The following GATAD2B variants were observed in gnomAD, a reference collection of about 807,000 sequenced individuals.
GATAD2B encodes the protein transcriptional repressor p66-beta.
In GATAD2B, 8 loss-of-function variants were observed where a neutral mutation model predicts 64.3. The observed-to-expected ratio is 0.12, with a 90% CI of 0.07 to 0.22. The LOEUF (loss-of-function observed/expected upper bound fraction) is 0.22, where lower values mean the gene tolerates loss of function less well. Among genes scored for constraint, GATAD2B ranks in the 10% least tolerant of loss-of-function variants. The pLI is 1.00. For missense variants in GATAD2B, 453 were observed against 752.0 expected, an observed-to-expected ratio of 0.60 and a Z score of 4.65; for synonymous variants, 281 against 271.3, an observed-to-expected ratio of 1.04 and a Z score of -0.35.
At chr1:153,887,443 A>C (rs1441045872) in intron 1 of GATAD2B, among the ~76,000 whole-genome samples, 2 of 152,226 alleles carry the variant, frequency 1.3e-5, no homozygotes, top group Non-Finnish European at 2.9e-5. Context: ...CTATTTGGGA[A>C]GATGTATTTA....
intron 1 of GATAD2B, among the ~76,000 whole-genome samples, chr1:153,873,102 G>T (rs938507138): frequency 1.3e-5 from 2 of 152,018 alleles, no homozygotes; most frequent in African/African-American, 4.8e-5. Context: ...CACTGCAAAT[G>T]TTAACACAGG....
At chr1:153,830,568 C>T (rs1306552272) in intron 1 of GATAD2B, among the ~76,000 whole-genome samples, 1 of 146,342 alleles carries the variant, frequency 6.8e-6, no homozygotes, top group South Asian at 2.2e-4. Context: ...CTCCGCCTCC[C>T]GGGTTCACGC....
chr1:153,917,641 C>A (rs530539324), intron 1 of GATAD2B, among the ~76,000 whole-genome samples: 1 of 151,852 alleles, frequency 6.6e-6, no homozygotes, highest in East Asian at 1.9e-4. Context: ...GTGATCCGCC[C>A]GCCTCAGCCT....
At chr1:153,906,636 G>GA (rs374312377) in intron 1 of GATAD2B, among the ~76,000 whole-genome samples, 35 of 149,100 alleles carry the variant, frequency 2.3e-4, no homozygotes, top group East Asian at 3.9e-4. Flanking sequence ...GGCAAAAAAG[G>GA]AAAAAAAAAC....
chr1:153,829,208 AAAC>A (rs1448009277), intron 1 of GATAD2B, among the ~76,000 whole-genome samples: 9 of 152,154 alleles, frequency 5.9e-5, no homozygotes, highest in Middle Eastern at 3.2e-3. Context: ...TCTCTCCAGG[AAAC>A]AACAAAAAAA....
intron 8 of GATAD2B, 90 bp from the exon 9 acceptor site, chr1:153,812,222 A>C: frequency 2.8e-6 from 2 of 711,970 alleles, no homozygotes; most frequent in Non-Finnish European, 4.8e-6. Flanking sequence ...CAGAGACACA[A>C]TCTGACTTTG....
intron 1 of GATAD2B, chr1:153,852,891 A>G (rs1570960362): frequency 1.3e-6 from 1 of 776,272 alleles, no homozygotes; most frequent in Non-Finnish European, 2.3e-6. Flanking sequence ...TGGTGAGCGC[A>G]TGTTCCAAGC....
At chr1:153,863,983 T>A (rs1676395254) in intron 1 of GATAD2B, among the ~76,000 whole-genome samples, 1 of 152,168 alleles carries the variant, frequency 6.6e-6, no homozygotes, top group Non-Finnish European at 1.5e-5. Flanking sequence ...CTTAGGAATA[T>A]TTTTTATATG....
chr1:153,825,242 T>C (rs1260704450), intron 2 of GATAD2B, among the ~76,000 whole-genome samples: 1 of 152,230 alleles, frequency 6.6e-6, no homozygotes, highest in African/African-American at 2.4e-5. Flanking sequence ...AAAAGCCAAG[T>C]AGGTTGCTCA....
intron 1 of GATAD2B, among the ~76,000 whole-genome samples, chr1:153,912,864 A>G (rs1678146445): frequency 6.6e-6 from 1 of 151,984 alleles, no homozygotes; most frequent in Non-Finnish European, 1.5e-5. Context: ...AGGTCGAGGC[A>G]GGCGGATCAC....
chr1:153,818,942 T>C lies in GATAD2B; in HGVS notation c.466-20A>G. On this transcript the variant is annotated intron_variant, in intron 3 of 10. Coordinates refer to ENST00000368655, the MANE Select transcript of GATAD2B (RefSeq NM_020699.4). ...TTTCCCCTAAGGAAACAAGAAGACT[T>C]TCAGCTATGGCAGCAAGGTACCCAG... 6.2e-7 allele frequency: 1 copy of C among 1,605,344 alleles called. No homozygotes were observed. Among genetic ancestry groups the C allele is most frequent in the Non-Finnish European group, 8.5e-7 (1 of 1,179,362 alleles).
chr1:153,824,303 T>G (rs1674790672), intron 2 of GATAD2B, among the ~76,000 whole-genome samples: 1 of 151,822 alleles, frequency 6.6e-6, no homozygotes, highest in Admixed American at 6.6e-5. Context: ...AAATGATTTT[T>G]AAAAATCACC....
Position 153,901,857 on chromosome 1 carries a change from T to TAAATAAATA in GATAD2B, c.-2+20875_-2+20876insTATTTATTT, listed in dbSNP as rs1553198702. On this transcript the variant is annotated intron_variant, in intron 1 of 10. Transcript: ENST00000368655. Reference sequence around the variant, plus strand: ...TAAATAAATAAATAAATAAATAAATTAAATAAAATGGCCCTGGTGTCTACA... The same window carrying TAAATAAATA: ...TAAATAAATAAATAAATAAATAAATTAAATAAATAAAATAAAATGGCCCTGGTGTCTACA... 1.5e-3 allele frequency among the ~76,000 whole-genome samples: 220 copies of TAAATAAATA among 146,482 alleles called. 1 individual carries two copies. The highest frequency in any genetic ancestry group is 3.4e-3 in the Middle Eastern group (1 of 290).
In GATAD2B at chr1:153,859,686, A is replaced by T. The variant is rs978330672; in HGVS notation, c.-1-31338T>A. On this transcript the variant is annotated intron_variant, in intron 1 of 10. Coordinates refer to ENST00000368655, the MANE Select transcript of GATAD2B (RefSeq NM_020699.4). Reference sequence around the variant, plus strand: ...CTCCATCTCAAAAAAAAATAATAAAAAAAAAAAAAGACCATAGACATTACT... The same window carrying T: ...CTCCATCTCAAAAAAAAATAATAAATAAAAAAAAAGACCATAGACATTACT... 5.3e-5 allele frequency among the ~76,000 whole-genome samples: 8 copies of T among 151,890 alleles called. No individual in the cohort carries two copies. The East Asian group carries it at 5.8e-4, about 11-fold the overall frequency.
intron 1 of GATAD2B, among the ~76,000 whole-genome samples, chr1:153,888,554 T>A (rs889332845): frequency 6.6e-6 from 1 of 152,234 alleles, no homozygotes; most frequent in African/African-American, 2.4e-5. Context: ...GGGACCAAGT[T>A]CTTTTTAGGC....
chr1:153,911,133 T>G (rs1413638534), intron 1 of GATAD2B, among the ~76,000 whole-genome samples: 1 of 152,172 alleles, frequency 6.6e-6, no homozygotes. Context: ...CAAAAGCTAT[T>G]CTAGTTTAAC....
At chr1:153,820,117 GAA>G (rs1674627001) in intron 2 of GATAD2B, among the ~76,000 whole-genome samples, 1 of 140,078 alleles carries the variant, frequency 7.1e-6, no homozygotes, top group Non-Finnish European at 1.6e-5. Context: ...AAAAAAAAAA[GAA>G]TAGTCTATCC....
At chr1:153,825,316 A>G (rs1191779964) in intron 2 of GATAD2B, among the ~76,000 whole-genome samples, 1 of 152,208 alleles carries the variant, frequency 6.6e-6, no homozygotes, top group Non-Finnish European at 1.5e-5. Context: ...ACCTACTTAT[A>G]TAATATTCTG....
At chr1:153,902,598 G>A (rs1430842268) in intron 1 of GATAD2B, among the ~76,000 whole-genome samples, 1 of 151,968 alleles carries the variant, frequency 6.6e-6, no homozygotes, top group Non-Finnish European at 1.5e-5. Flanking sequence ...GGGACCACAG[G>A]CACATACCAC....
Sources: allele counts gnomAD v4.1 joint callset (sites outside exome capture counted in the v4.1 genomes callset), GRCh38; gene constraint gnomAD v4.1.1; transcripts MANE v1.5; gene names NCBI Gene and HGNC (gene_info 2026-07-23, HGNC 2026-07-21).